The following AGBL4 variants were observed in gnomAD, a reference collection of about 807,000 sequenced individuals.
AGBL4 encodes the protein AGBL carboxypeptidase 4, also known as cytosolic carboxypeptidase 6.
Under a neutral mutation model 66.4 loss-of-function variants are expected in AGBL4, and 58 were observed. The observed-to-expected ratio is 0.87, with a 90% CI of 0.71 to 1.09. The LOEUF (loss-of-function observed/expected upper bound fraction) is 1.09. Among genes scored for constraint, AGBL4 ranks in the 50% least tolerant of loss-of-function variants. The probability of loss-of-function intolerance (pLI) is 0.00; values close to 1 mark genes in which losing one functional copy is unlikely to be tolerated. For synonymous variants in AGBL4, 234 were observed against 222.9 expected, an observed-to-expected ratio of 1.05 and a Z score of -0.44; for missense variants, 579 against 631.0, an observed-to-expected ratio of 0.92 and a Z score of 0.88.
intron 3 of AGBL4, among the ~76,000 whole-genome samples, chr1:49,550,463 G>A (rs537657179): frequency 7.4e-4 from 112 of 152,252 alleles, no homozygotes; most frequent in African/African-American, 2.2e-3. Context: ...AAGATTTAGC[G>A]CTCCTTTTTG....
chr1:48,696,215 A>G (rs1271181035), intron 6 of AGBL4, among the ~76,000 whole-genome samples: 1 of 152,142 alleles, frequency 6.6e-6, no homozygotes, highest in Non-Finnish European at 1.5e-5. Context: ...TGGGGGATGC[A>G]CACACATCTG....
At chr1:48,823,733 T>G (rs1244539732) in intron 6 of AGBL4, among the ~76,000 whole-genome samples, 1 of 152,226 alleles carries the variant, frequency 6.6e-6, no homozygotes, top group African/African-American at 2.4e-5. Flanking sequence ...CTGATTCTCC[T>G]GTTTCCCAGT....
intron 3 of AGBL4, among the ~76,000 whole-genome samples, chr1:49,324,561 G>T (rs929263993): frequency 6.6e-6 from 1 of 152,180 alleles, no homozygotes; most frequent in Admixed American, 6.5e-5. Context: ...TGTTTACAGG[G>T]CATTAGAAAG....
intron 3 of AGBL4, among the ~76,000 whole-genome samples, chr1:49,457,473 T>G (rs1322565911): frequency 4.6e-5 from 7 of 151,948 alleles, no homozygotes; most frequent in Non-Finnish European, 1.0e-4. Context: ...CTTTGTTGGA[T>G]GTACAGACTG....
intron 5 of AGBL4, among the ~76,000 whole-genome samples, chr1:48,953,596 A>G (rs184130880): frequency 9.8e-5 from 15 of 152,352 alleles, no homozygotes; most frequent in African/African-American, 3.4e-4. Flanking sequence ...CTACATAGAA[A>G]GAAGGTTCCT....
At chr1:49,722,207 C>T (rs1648662512) in intron 2 of AGBL4, among the ~76,000 whole-genome samples, 1 of 152,130 alleles carries the variant, frequency 6.6e-6, no homozygotes, top group Admixed American at 6.6e-5. Flanking sequence ...CTTGAATCCC[C>T]AAGGTGCCAG....
chr1:49,391,688 A>T (rs1309027159), intron 3 of AGBL4, among the ~76,000 whole-genome samples: 1 of 151,634 alleles, frequency 6.6e-6, no homozygotes, highest in East Asian at 1.9e-4. Context: ...CAGCCTCCCA[A>T]GTAGCTGGGA....
chr1:49,757,656 C>G (rs1328952383), intron 2 of AGBL4, among the ~76,000 whole-genome samples: 2 of 152,146 alleles, frequency 1.3e-5, no homozygotes, highest in African/African-American at 4.8e-5. Context: ...GTGACTCTTA[C>G]TATGCTTTAG....
At chr1:48,574,302 G>A (rs1644614541) in intron 11 of AGBL4, among the ~76,000 whole-genome samples, 3 of 152,160 alleles carry the variant, frequency 2.0e-5, no homozygotes, top group East Asian at 1.9e-4. Flanking sequence ...CTTAGGATAC[G>A]AACACAGAGA....
rs113229457 is a variant in AGBL4 at position 49,502,343 on chromosome 1, C to T, written c.282+194970G>A. Among the ~76,000 whole-genome samples the T allele has an allele frequency of 4.3e-3, 660 of 152,218 alleles. 7 individuals are homozygous for T. Among genetic ancestry groups the T allele is most frequent in the African/African-American group, 0.015 (618 of 41,550 alleles). ...GTGAGTCAGTACTCCTTAATAAACT[C>T]CTCTTCATATATTCATCTATCCTAT... On this transcript the variant is annotated intron_variant, in intron 3 of 13. Transcript: ENST00000371839.
intron 11 of AGBL4, among the ~76,000 whole-genome samples, chr1:48,541,684 G>T (rs982921559): frequency 2.5e-4 from 38 of 152,212 alleles, no homozygotes; most frequent in African/African-American, 8.7e-4. Flanking sequence ...CAGGAGGCTC[G>T]CTTGAACCCA....
chr1:49,071,018 A>G (rs552167374), intron 4 of AGBL4, among the ~76,000 whole-genome samples: 11 of 152,096 alleles, frequency 7.2e-5, no homozygotes, highest in Admixed American at 3.3e-4. Context: ...TAGATTTTCT[A>G]GAAGAGAGGC....
intron 2 of AGBL4, among the ~76,000 whole-genome samples, chr1:49,750,522 G>A (rs1387203565): frequency 3.3e-5 from 5 of 152,180 alleles, no homozygotes; most frequent in Non-Finnish European, 5.9e-5. Flanking sequence ...AAGTCAGGTA[G>A]TGTGATGCCT....
chr1:49,755,319 C>A (rs1429930553), intron 2 of AGBL4, among the ~76,000 whole-genome samples: 1 of 152,058 alleles, frequency 6.6e-6, no homozygotes, highest in East Asian at 1.9e-4. Flanking sequence ...GTTTATTCCA[C>A]TTTAAAGAAA....
chr1:48,700,621 G>A (rs1362821583), intron 6 of AGBL4, among the ~76,000 whole-genome samples: 4 of 152,162 alleles, frequency 2.6e-5, no homozygotes, highest in Non-Finnish European at 4.4e-5. Flanking sequence ...CCTCTGCTGT[G>A]TTCCAAGATT....
intron 6 of AGBL4, among the ~76,000 whole-genome samples, chr1:48,755,950 A>T (rs934543540): frequency 2.0e-5 from 3 of 152,232 alleles, no homozygotes; most frequent in African/African-American, 7.2e-5. Context: ...GAGGCAGAGA[A>T]GTTAGTTAAC....
chr1:48,971,117 C>T (rs935757297), intron 5 of AGBL4, among the ~76,000 whole-genome samples: 3 of 152,150 alleles, frequency 2.0e-5, no homozygotes, highest in African/African-American at 7.2e-5. Context: ...CCCAAACCCC[C>T]AGCCTTGGAC....
At chr1:48,875,308 C>T (rs12409707) in intron 5 of AGBL4, among the ~76,000 whole-genome samples, 51,864 of 151,946 alleles carry the variant, frequency 0.34, 9,216 homozygotes, top group East Asian at 0.7. Flanking sequence ...CTCAACCTCA[C>T]TGCCTTCAGG....
intron 6 of AGBL4, among the ~76,000 whole-genome samples, chr1:48,726,796 T>A (rs1195914247): frequency 6.6e-6 from 1 of 152,198 alleles, no homozygotes; most frequent in Non-Finnish European, 1.5e-5. Flanking sequence ...TAATCAGAAA[T>A]GAGTAACAGT....
Sources: allele counts gnomAD v4.1 joint callset (sites outside exome capture counted in the v4.1 genomes callset), GRCh38; gene constraint gnomAD v4.1.1; transcripts MANE v1.5; gene names NCBI Gene and HGNC (gene_info 2026-07-23, HGNC 2026-07-21).